The following SYCP1 variants were observed in gnomAD, a reference collection of about 807,000 sequenced individuals.
SYCP1 encodes synaptonemal complex protein 1, also known as cancer/testis antigen 8.
Under a neutral mutation model 153.1 loss-of-function variants are expected in SYCP1, and 64 were observed. The observed-to-expected ratio is 0.42, with a 90% CI of 0.34 to 0.51. The LOEUF (loss-of-function observed/expected upper bound fraction) is 0.51, where lower values mean the gene tolerates loss of function less well. Ranked by LOEUF, SYCP1 falls within the 20% of genes least tolerant of loss-of-function variation. SYCP1 has a pLI of 0.06. For missense variants in SYCP1, 997 were observed against 1,049.0 expected, an observed-to-expected ratio of 0.95 and a Z score of 0.68; for synonymous variants, 384 against 341.8, an observed-to-expected ratio of 1.12 and a Z score of -1.36.
chr1:114,869,206 C>T (rs759531224), intron 8 of SYCP1, among the ~76,000 whole-genome samples: 4 of 152,054 alleles, frequency 2.6e-5, no homozygotes, highest in Non-Finnish European at 4.4e-5. Flanking sequence ...TTTCCTGTAT[C>T]GCACAGATTT....
intron 23 of SYCP1, among the ~76,000 whole-genome samples, chr1:114,934,773 A>T (rs548583584): frequency 2.0e-5 from 3 of 152,286 alleles, no homozygotes; most frequent in South Asian, 4.1e-4. Context: ...CTCTGATAAA[A>T]CAGACTTTAA....
intron 27 of SYCP1, among the ~76,000 whole-genome samples, chr1:114,969,289 T>C (rs962289364): frequency 1.3e-5 from 2 of 152,152 alleles, no homozygotes; most frequent in African/African-American, 4.8e-5. Flanking sequence ...CAGGTGCCCC[T>C]TCCCCCAGGT....
At chr1:114,878,226 T>A in intron 12 of SYCP1, 24 bp downstream of exon 12, 3 of 1,364,212 alleles carry the variant, frequency 2.2e-6, no homozygotes, top group Non-Finnish European at 3.1e-6. Flanking sequence ...TAAGATAATA[T>A]AATGTGCCTT....
chr1:114,957,350 A>T (rs1263967982), intron 27 of SYCP1, among the ~76,000 whole-genome samples: 1 of 152,214 alleles, frequency 6.6e-6, no homozygotes, highest in Non-Finnish European at 1.5e-5. Context: ...GAAAGAAAAC[A>T]CTGGGTAAAT....
intron 30 of SYCP1, among the ~76,000 whole-genome samples, chr1:114,991,956 G>T (rs999764271): frequency 1.3e-5 from 2 of 151,828 alleles, no homozygotes; most frequent in Admixed American, 6.6e-5. Context: ...CAGCAAAGTT[G>T]TAGGGTACAA....
At chr1:114,912,445 A>G (rs1668242900) in intron 18 of SYCP1, among the ~76,000 whole-genome samples, 1 of 151,998 alleles carries the variant, frequency 6.6e-6, no homozygotes, top group Admixed American at 6.6e-5. Flanking sequence ...CTCCGCCTTC[A>G]TTTAAAATTG....
chr1:114,879,515 G>C (rs1409378067), intron 12 of SYCP1, among the ~76,000 whole-genome samples: 6 of 152,166 alleles, frequency 3.9e-5, no homozygotes, highest in Admixed American at 2.0e-4. Flanking sequence ...TAAATTCTTA[G>C]TAAGGGCATA....
chr1:114,929,382 G>A (rs1264960909), intron 23 of SYCP1, among the ~76,000 whole-genome samples: 1 of 151,936 alleles, frequency 6.6e-6, no homozygotes, highest in Non-Finnish European at 1.5e-5. Flanking sequence ...ATGGACAAAT[G>A]TTTTAATAAA....
chr1:114,946,725 A>ATTTTG (rs1490297933), intron 26 of SYCP1, among the ~76,000 whole-genome samples: 104 of 151,988 alleles, frequency 6.8e-4, no homozygotes, highest in African/African-American at 2.2e-3. Flanking sequence ...AAAAAACTTG[A>ATTTTG]TTTTGTTTTG....
In SYCP1 at chr1:114,914,056, C is replaced by A; in HGVS notation, c.1718+11C>A. ...AGAAACCCAATTAAGGCAAGACTAA[C>A]AAATTGGCCTTTTTTTGTCTGGCAA... On this transcript the variant is annotated intron_variant, in intron 20 of 31. Transcript: ENST00000369522. 3 of 1,529,244 alleles carry A rather than the reference C, an allele frequency of 2.0e-6. No homozygotes were observed. Among genetic ancestry groups the A allele is most frequent in the Non-Finnish European group, 2.6e-6 (3 of 1,142,718 alleles). The allele number at this position is 1,529,244 out of a possible 1,614,324, so 94.7% of individuals were successfully genotyped here.
At chr1:114,867,287 A>G (rs116121902) in intron 8 of SYCP1, among the ~76,000 whole-genome samples, 2,388 of 152,224 alleles carry the variant, frequency 0.016, 65 homozygotes, top group African/African-American at 0.054. Context: ...GATATCCACA[A>G]TATAACTTGC....
chr1:114,981,624 G>A (rs1673160717), intron 29 of SYCP1, 112 bp downstream of exon 29: 2 of 1,017,520 alleles, frequency 2.0e-6, no homozygotes, highest in East Asian at 2.9e-5. Flanking sequence ...TTTCTTGAAA[G>A]TTTCAATTTT....
chr1:114,916,051 G>A (rs1668488470), intron 20 of SYCP1, among the ~76,000 whole-genome samples: 1 of 152,148 alleles, frequency 6.6e-6, no homozygotes, highest in African/African-American at 2.4e-5. Flanking sequence ...CCGACTGAGG[G>A]AAGTCAGCTT....
At chr1:114,898,798 T>C (rs1557781740) in intron 16 of SYCP1, among the ~76,000 whole-genome samples, 1 of 152,226 alleles carries the variant, frequency 6.6e-6, no homozygotes, top group Non-Finnish European at 1.5e-5. Context: ...TTGGCTTTGA[T>C]GGTACTCTGT....
At chr1:114,929,471 A>G (rs1237956570) in intron 23 of SYCP1, among the ~76,000 whole-genome samples, 2 of 152,138 alleles carry the variant, frequency 1.3e-5, no homozygotes, top group African/African-American at 2.4e-5. Context: ...TGTATTTAGT[A>G]TAAAGACACA....
chr1:114,955,023 G>GA (rs1196224694), intron 27 of SYCP1, among the ~76,000 whole-genome samples: 2 of 152,158 alleles, frequency 1.3e-5, no homozygotes, highest in Non-Finnish European at 2.9e-5. Context: ...CAATAAGTAT[G>GA]ATGTTAGCTA....
chr1:114,992,571 C>T (rs1044103398), intron 30 of SYCP1, among the ~76,000 whole-genome samples: 1 of 151,458 alleles, frequency 6.6e-6, no homozygotes, highest in Non-Finnish European at 1.5e-5. Flanking sequence ...ACATATGGTG[C>T]TGGGAAAACT....
chr1:114,865,422 TA>T (rs1664676507), intron 8 of SYCP1, among the ~76,000 whole-genome samples: 1 of 152,254 alleles, frequency 6.6e-6, no homozygotes. Flanking sequence ...GTTTATTTTC[TA>T]ACAGGCAGTC....
At chr1:114,857,613 T>C (rs1664095123) in intron 5 of SYCP1, 116 bp downstream of exon 5, 1 of 814,362 alleles carries the variant, frequency 1.2e-6, no homozygotes, top group Admixed American at 3.7e-5. Context: ...CGTTTTAAGA[T>C]ATATCCTTTA....
Sources: allele counts gnomAD v4.1 joint callset (sites outside exome capture counted in the v4.1 genomes callset), GRCh38; gene constraint gnomAD v4.1.1; transcripts MANE v1.5; gene names NCBI Gene and HGNC (gene_info 2026-07-23, HGNC 2026-07-21).